Variants in TRAPPC9 observed in about 807,000 individuals in gnomAD.
The protein encoded by TRAPPC9 is IKK2 binding protein.
In TRAPPC9, 83 loss-of-function variants were observed where a neutral mutation model predicts 124.0. The ratio of observed to expected loss-of-function variants is 0.67; its 90% CI spans 0.56 to 0.80. TRAPPC9 has a LOEUF of 0.80. Among genes scored for constraint, TRAPPC9 ranks in the 30% least tolerant of loss-of-function variants. TRAPPC9 has a pLI of 0.00. For missense variants in TRAPPC9, 1,302 were observed against 1,508.3 expected (o/e 0.86, Z 2.27); for synonymous variants, 638 against 617.5 (o/e 1.03, Z -0.49).
chr8:140,015,908 C>T (rs11166945), intron 18 of TRAPPC9, among the ~76,000 whole-genome samples: 61,753 of 151,812 alleles, frequency 0.41, 15,050 homozygotes, highest in Middle Eastern at 0.62. Flanking sequence ...ACACCTTCCC[C>T]GGCTGCCCAC....
intron 21 of TRAPPC9, among the ~76,000 whole-genome samples, chr8:139,764,763 G>A (rs1401903127): frequency 6.6e-6 from 1 of 152,130 alleles, no homozygotes; most frequent in Non-Finnish European, 1.5e-5. Flanking sequence ...GAGGCGACCG[G>A]CTAGAGGAGG....
chr8:140,455,371 G>A (rs1213266219), intron 1 of TRAPPC9, among the ~76,000 whole-genome samples: 1 of 151,888 alleles, frequency 6.6e-6, no homozygotes, highest in Non-Finnish European at 1.5e-5. Context: ...GATCTCAGGT[G>A]ATCCACCCGC....
At chr8:139,856,641 G>T (rs1476131748) in intron 21 of TRAPPC9, among the ~76,000 whole-genome samples, 1 of 151,926 alleles carries the variant, frequency 6.6e-6, no homozygotes, top group Non-Finnish European at 1.5e-5. Flanking sequence ...AAGAGCAACG[G>T]CATTAGCTGC....
At chr8:139,755,980 C>A (rs1819734259) in intron 21 of TRAPPC9, among the ~76,000 whole-genome samples, 1 of 133,120 alleles carries the variant, frequency 7.5e-6, no homozygotes, top group African/African-American at 3.2e-5. Context: ...ATGAGGACCG[C>A]AGGTCGCAGG....
rs545261711 is a variant in TRAPPC9 at position 139,850,551 on chromosome 8, T to C, written c.3055+35328A>G. On this transcript the variant is annotated intron_variant, in intron 21 of 22. Transcript: ENST00000438773. ...AGGAAGAGCAAAATGCTAATATACA[T>C]GCCAATGCATCTGAAAACCACTGGG... Among the ~76,000 whole-genome samples the C allele has an allele frequency of 8.7e-4, 133 of 152,348 alleles. 1 individual carries two copies. Among genetic ancestry groups the C allele is most frequent in the Non-Finnish European group, 1.1e-3 (75 of 68,032 alleles).
chr8:140,100,655 G>A (rs1429689831), intron 17 of TRAPPC9: 8 of 152,356 alleles, frequency 5.3e-5, no homozygotes. Context: ...GCTCGCACCG[G>A]ATCCGAAGCG....
chr8:140,319,949 C>T (rs140600993), intron 9 of TRAPPC9, among the ~76,000 whole-genome samples: 65 of 152,222 alleles, frequency 4.3e-4, no homozygotes, highest in Middle Eastern at 6.8e-3. Flanking sequence ...AAGTAATAAT[C>T]GGAGACAACC....
intron 20 of TRAPPC9, among the ~76,000 whole-genome samples, chr8:139,895,625 AATGTTGAGAGT>A (rs1392893709): frequency 4.6e-5 from 7 of 152,308 alleles, no homozygotes; most frequent in African/African-American, 1.7e-4. Context: ...AACAAAATTA[AATGTTGAGAGT>A]TCACTATGGG....
chr8:140,240,567 C>T (rs1341058959), intron 16 of TRAPPC9, among the ~76,000 whole-genome samples: 3 of 152,174 alleles, frequency 2.0e-5, no homozygotes, highest in African/African-American at 7.2e-5. Context: ...CCAAATCTAG[C>T]CAACTTACCT....
rs370113986 is a variant in TRAPPC9 at position 139,910,239 on chromosome 8, C to T, written c.2872G>A (p.Gly958Arg). ...ESFPESPGEK[G>R]QFANPKQLEE... ...AGCTGCTTGGGGTTTGCAAATTGCC[C>T]CTTCTCCCCAGGGGACTCCGGGAAA... The change falls in exon 20 of 23, where the codon GGG becomes AGG. Residue 958 changes from glycine to arginine, a missense_variant. This residue lies in a region of TRAPPC9 where 640 missense variants were observed against 679.3 expected (regional missense o/e 0.94). Transcript: ENST00000438773. The T allele has an allele frequency of 6.2e-7, 1 of 1,614,122 alleles. No individual in the cohort carries two copies. The highest frequency in any genetic ancestry group is 8.5e-7 in the Non-Finnish European group (1 of 1,180,024).
intron 10 of TRAPPC9, among the ~76,000 whole-genome samples, chr8:140,305,283 G>T (rs1245391486): frequency 2.0e-5 from 3 of 152,088 alleles, no homozygotes; most frequent in East Asian, 1.9e-4. Flanking sequence ...CCCTCACTCT[G>T]GTTACCTTAA....
At chr8:140,203,851 C>T (rs1183915688) in intron 17 of TRAPPC9, among the ~76,000 whole-genome samples, 1 of 149,048 alleles carries the variant, frequency 6.7e-6, no homozygotes, top group Non-Finnish European at 1.5e-5. Flanking sequence ...AAGGATCACA[C>T]ATGAGGCCAA....
chr8:139,952,039 A>G (rs987292746), intron 19 of TRAPPC9, among the ~76,000 whole-genome samples: 1 of 152,220 alleles, frequency 6.6e-6, no homozygotes, highest in Non-Finnish European at 1.5e-5. Context: ...TCTAAGGAGT[A>G]AGGTGAAGGA....
chr8:139,958,730 C>A (rs1481727691), intron 19 of TRAPPC9, among the ~76,000 whole-genome samples: 2 of 152,228 alleles, frequency 1.3e-5, no homozygotes, highest in Non-Finnish European at 2.9e-5. Flanking sequence ...TACAGACACG[C>A]CCCGAGGCAG....
At chr8:139,969,073 G>A (rs1289453620) in intron 19 of TRAPPC9, among the ~76,000 whole-genome samples, 2 of 152,234 alleles carry the variant, frequency 1.3e-5, no homozygotes, top group African/African-American at 2.4e-5. Flanking sequence ...CTGAACACAC[G>A]TACGCACACT....
intron 10 of TRAPPC9, among the ~76,000 whole-genome samples, chr8:140,309,226 G>A (rs557129965): frequency 3.9e-4 from 59 of 152,392 alleles, no homozygotes; most frequent in African/African-American, 1.3e-3. Flanking sequence ...GATGTACTGA[G>A]CGCTTCCTAG....
At chr8:139,879,575 C>G (rs921493722) in intron 21 of TRAPPC9, among the ~76,000 whole-genome samples, 9 of 152,170 alleles carry the variant, frequency 5.9e-5, no homozygotes, top group African/African-American at 9.7e-5. Flanking sequence ...CCCTTCAGAG[C>G]CATCTCCCCT....
intron 6 of TRAPPC9, among the ~76,000 whole-genome samples, chr8:140,400,175 A>T (rs1458183868): frequency 6.6e-6 from 1 of 152,206 alleles, no homozygotes; most frequent in African/African-American, 2.4e-5. Context: ...AGTCTCCAGT[A>T]CGTCTTTATC....
intron 19 of TRAPPC9, among the ~76,000 whole-genome samples, chr8:139,969,298 T>C (rs961291824): frequency 2.0e-5 from 3 of 152,214 alleles, no homozygotes; most frequent in African/African-American, 4.8e-5. Context: ...CTGTGCTCAT[T>C]TGTACTGCAG....
Sources: gnomAD v4.1 joint callset for allele counts (sites outside exome capture counted in the v4.1 genomes callset) on GRCh38, gnomAD v4.1.1 for gene constraint, gnomAD v4.1.1 regional missense constraint, MANE v1.5 for transcripts, NCBI Gene and HGNC (gene_info 2026-07-23, HGNC 2026-07-21) for gene names.